TASOR2: variants seen among roughly 807,000 people sequenced by gnomAD.
TASOR2 encodes protein TASOR 2.
In TASOR2, 84 loss-of-function variants were observed where a neutral mutation model predicts 199.5. The observed-to-expected ratio is 0.42, with a 90% CI of 0.35 to 0.50. The LOEUF is 0.50. Among genes scored for constraint, TASOR2 ranks in the 20% least tolerant of loss-of-function variants. The pLI is 0.02. For synonymous variants in TASOR2, 1,103 were observed against 1,046.6 expected (o/e 1.05, Z -1.04); for missense variants, 2,796 against 2,835.9 (o/e 0.99, Z 0.32).
chr10:5,754,176 G>A lies in TASOR2; in HGVS notation c.6607-2437G>A, dbSNP rs766372780. ...AAAAATTAGCCGGGTGTGGCGGCGC[G>A]CGCTTGTGGTACTCGGGAGGCTAAG... On this transcript the variant is annotated intron_variant, in intron 15 of 20. Transcript: ENST00000328090. This position sits in a 1 kb window ranked among gnomAD's most constrained non-coding sequence, Gnocchi z 4.3. Among the ~76,000 whole-genome samples the A allele has an allele frequency of 4.6e-5, 7 of 152,128 alleles. No homozygotes were observed. In the South Asian group the frequency reaches 8.3e-4, roughly 18 times the overall value.
At position 5,740,894 on chromosome 10, in the gene TASOR2, G is replaced by C. The variant is rs1836323028; in HGVS notation, c.2327+397G>C. On this transcript the variant is annotated intron_variant, in intron 13 of 20. Transcript: ENST00000328090. The surrounding 1 kb of genome is among the most constrained non-coding windows in gnomAD (Gnocchi z 5.3). ...AAAAATCACTGTAGCTTGGTAAATT[G>C]GTCAGATTGATAGGAGTAAGCAGTT... Among the ~76,000 whole-genome samples, 1 of 152,174 alleles carries C rather than the reference G, an allele frequency of 6.6e-6. No individual in the cohort carries two copies. The highest frequency in any genetic ancestry group is 2.1e-4 in the South Asian group (1 of 4,828).
In TASOR2 at chr10:5,737,296, T is replaced by C. The variant is rs1026625316; in HGVS notation, c.1447+1750T>C. 1.3e-4 allele frequency among the ~76,000 whole-genome samples: 20 copies of C among 152,188 alleles called. 1 individual carries two copies. Among genetic ancestry groups the C allele is most frequent in the Admixed American group, 8.5e-4 (13 of 15,282 alleles). On this transcript the variant is annotated intron_variant, in intron 12 of 20. Coordinates refer to ENST00000328090, the Ensembl canonical transcript of TASOR2. This position sits in a 1 kb window ranked among gnomAD's most constrained non-coding sequence, Gnocchi z 4.9. ...TGTTTTTTTTAGTTTTTTTGTTTTT[T>C]TTTTCAACTTAAGCATACCCTGAGA...
rs1237089760 is a variant in TASOR2 at position 5,685,492 on chromosome 10, A to G, written c.-288+317A>G. ...CAGCTGCGTCCTCAGGGATATGCTGATAAGTTCTTGGCTGAAGTTTCCGTC... is the reference window on the plus strand; with the variant it reads ...CAGCTGCGTCCTCAGGGATATGCTGGTAAGTTCTTGGCTGAAGTTTCCGTC... On this transcript the variant is annotated intron_variant, in intron 1 of 20. Transcript: ENST00000328090. The surrounding 1 kb of genome is among the most constrained non-coding windows in gnomAD (Gnocchi z 5.4). Among the ~76,000 whole-genome samples, 4 of 152,060 alleles carry G rather than the reference A, an allele frequency of 2.6e-5. No homozygotes were observed. Among genetic ancestry groups the G allele is most frequent in the South Asian group, 4.1e-4 (2 of 4,824 alleles).
At chr10:5,725,834 A>C (rs972783608) in intron 8 of TASOR2, among the ~76,000 whole-genome samples, 1 of 152,132 alleles carries the variant, frequency 6.6e-6, no homozygotes, top group Admixed American at 6.5e-5. Flanking sequence ...AGCTTAGGAG[A>C]CTATGGAGGA....
chr10:5,746,604 T>G, exon 15 of TASOR2: 1 of 1,614,150 alleles, frequency 6.2e-7, no homozygotes. Flanking sequence ...AAAATGCACA[T>G]GTACCAATAC....
intron 20 of TASOR2, 83 bp from the exon 22 acceptor site, chr10:5,762,946 T>C: frequency 7.5e-7 from 1 of 1,333,768 alleles, no homozygotes; most frequent in Non-Finnish European, 1.1e-6. Context: ...ATAGGCGTTT[T>C]CCCCATTAGA....
In TASOR2 at chr10:5,748,069, A is replaced by G; in HGVS notation, c.4648A>G (p.Asn1550Asp). The stretch of plus-strand genomic sequence containing the variant: ...TCCTGAAAAACTGGTAAAATCAGGA[A>G]ATCCATTGCAGCCAGTTAGTATAGA... The change falls in exon 15 of 21, where the codon AAT becomes GAT. Residue 1550 changes from asparagine (N) to aspartate (D), a missense_variant. Asn to Asp is a conservative substitution (Grantham distance 23). Around this residue, in one of 3 missense-constraint regions of TASOR2, gnomAD observed 1,941 missense variants for 1,924.9 expected, o/e 1.01. Coordinates refer to ENST00000328090, the Ensembl canonical transcript of TASOR2. This position sits in a 1 kb window ranked among gnomAD's most constrained non-coding sequence, Gnocchi z 5.1. 1.2e-6 allele frequency: 2 copies of G among 1,614,236 alleles called. No individual in the cohort carries two copies. Among genetic ancestry groups the G allele is most frequent in the Non-Finnish European group, 1.7e-6 (2 of 1,180,044 alleles).
chr10:5,757,873 T>C (rs1021236156), intron 17 of TASOR2, among the ~76,000 whole-genome samples, 200 bp downstream of exon 18: 1 of 152,158 alleles, frequency 6.6e-6, no homozygotes, highest in Non-Finnish European at 1.5e-5. Flanking sequence ...CTCTTTTAAC[T>C]GATTCTTACC....
At position 5,689,324 on chromosome 10, in the gene TASOR2, G is replaced by A. The variant is rs888176943; in HGVS notation, c.-288+4149G>A. On this transcript the variant is annotated intron_variant, in intron 1 of 20. Transcript: ENST00000328090. This position sits in a 1 kb window ranked among gnomAD's most constrained non-coding sequence, Gnocchi z 4.1. ...TGCTGTTAACTTGTATGTATTGGCC[G>A]GGTGCGGTGGCTCACGCCTGTAATC... Among the ~76,000 whole-genome samples, 3 of 152,000 alleles carry A rather than the reference G, an allele frequency of 2.0e-5. No homozygotes were observed. Among genetic ancestry groups the A allele is most frequent in the South Asian group, 2.1e-4 (1 of 4,822 alleles).
chr10:5,748,617 G>C lies in TASOR2; in HGVS notation c.5196G>C (p.Thr1732=). 4.3e-6 allele frequency: 7 copies of C among 1,614,064 alleles called. No homozygotes were observed. The highest frequency in any genetic ancestry group is 5.9e-6 in the Non-Finnish European group (7 of 1,180,030). Reference sequence around the variant, plus strand: ...AAGGTGAACGCAAAGCCATCCACACGCTGCAAGATGTGTCAACATGTGAAA... The same window carrying C: ...AAGGTGAACGCAAAGCCATCCACACCCTGCAAGATGTGTCAACATGTGAAA... The change falls in exon 15 of 21, where the codon ACG becomes ACC. Residue 1732 remains threonine, a synonymous_variant. Coordinates refer to ENST00000328090, the Ensembl canonical transcript of TASOR2. The surrounding 1 kb of genome is among the most constrained non-coding windows in gnomAD (Gnocchi z 5.1).
At position 5,738,587 on chromosome 10, in the gene TASOR2, T is replaced by A. The variant is rs797019412; in HGVS notation, c.1448-1031T>A. 2.6e-5 allele frequency among the ~76,000 whole-genome samples: 4 copies of A among 152,314 alleles called. No homozygotes were observed. The highest frequency in any genetic ancestry group is 9.6e-5 in the African/African-American group (4 of 41,574). On this transcript the variant is annotated intron_variant, in intron 12 of 20. Coordinates refer to ENST00000328090, the Ensembl canonical transcript of TASOR2. This position sits in a 1 kb window ranked among gnomAD's most constrained non-coding sequence, Gnocchi z 4.7. Reference sequence around the variant, plus strand: ...GTTGATCAGTTTAACCCTTTCCCCATGTATGTGCATGCCCTTGTCGTTCTA... The same window carrying A: ...GTTGATCAGTTTAACCCTTTCCCCAAGTATGTGCATGCCCTTGTCGTTCTA...
chr10:5,753,714 G>T (rs778594923), intron 15 of TASOR2, among the ~76,000 whole-genome samples: 9 of 152,120 alleles, frequency 5.9e-5, no homozygotes, highest in Non-Finnish European at 1.0e-4. Flanking sequence ...TATTCCCTCT[G>T]TTGTCTTTGC....
chr10:5,750,056 A>C lies in TASOR2; in HGVS notation c.6606+29A>C. On this transcript the variant is annotated intron_variant, in intron 15 of 20. Coordinates refer to ENST00000328090, the Ensembl canonical transcript of TASOR2. This position sits in a 1 kb window ranked among gnomAD's most constrained non-coding sequence, Gnocchi z 5.4. ...AAGTGCCAGCCACGTCTTACGTATT[A>C]TTTTAATTGCTGATTTTAGTTTTAG... The C allele has an allele frequency of 6.5e-7, 1 of 1,535,928 alleles. No homozygotes were observed. Among genetic ancestry groups the C allele is most frequent in the Non-Finnish European group, 8.7e-7 (1 of 1,145,446 alleles).
At chr10:5,739,593 C>CTTTTT in intron 12 of TASOR2, 25 bp from the exon 14 acceptor site, 1 of 1,422,952 alleles carries the variant, frequency 7.0e-7, no homozygotes, top group Non-Finnish European at 9.6e-7. Flanking sequence ...AAACATCTCT[C>CTTTTT]TTTTTTTTTT....
chr10:5,748,232 C>T lies in TASOR2; in HGVS notation c.4811C>T (p.Ser1604Leu). Residue 1604 changes from serine to leucine, a missense_variant, in exon 15 of 21, where the codon TCA (serine) becomes TTA (leucine). This residue lies in a region of TASOR2 where 1,941 missense variants were observed against 1,924.9 expected (regional missense o/e 1.01). Coordinates refer to ENST00000328090, the Ensembl canonical transcript of TASOR2. The surrounding 1 kb of genome is among the most constrained non-coding windows in gnomAD (Gnocchi z 5.1). ...GCACCAAGTGGTATAGTGAATGTGT[C>T]AGTAAAACAGCAGACTAGCCCTAAA... The T allele has an allele frequency of 1.2e-6, 2 of 1,614,186 alleles. No individual in the cohort carries two copies. Among genetic ancestry groups the T allele is most frequent in the African/African-American group, 2.7e-5 (2 of 75,048 alleles).
At chr10:5,735,380 A>G in exon 12 of TASOR2, 2 of 1,614,184 alleles carry the variant, frequency 1.2e-6, no homozygotes, top group East Asian at 2.2e-5. Context: ...CTATTTCTAA[A>G]GATGTTCCAG....
rs568370617 is a variant in TASOR2, at chr10:5,749,114, G to C, written c.5693G>C (p.Trp1898Ser). 5.9e-5 allele frequency: 95 copies of C among 1,614,008 alleles called. 3 individuals are homozygous for C. The South Asian group carries it at 1.0e-3, about 18-fold the overall frequency. The change falls in exon 15 of 21, where the codon TGG becomes TCG. Residue 1898 changes from tryptophan (W) to serine (S), a missense_variant. Coordinates refer to ENST00000328090, the Ensembl canonical transcript of TASOR2. ...GAGACGAGCCTCCCTCCCGGGCACT[G>C]GACTGCTGCGGTAAAGAAAGAAGAG...
rs1285179117 is a variant in TASOR2, at chr10:5,730,805, C to G, written c.806C>G (p.Ala269Gly). The change falls in exon 11 of 21, where the codon GCT becomes GGT. Residue 269 changes from alanine to glycine, a missense_variant. This residue lies in a region of TASOR2 where 847 missense variants were observed against 887.4 expected (regional missense o/e 0.95). Coordinates refer to ENST00000328090, the Ensembl canonical transcript of TASOR2. This position sits in a 1 kb window ranked among gnomAD's most constrained non-coding sequence, Gnocchi z 4.1. ...AACTCTTATTTTTCAGACCCTAGTG[C>G]TTACATTTTGGAAGTGTCTACTGCT... is the stretch of plus-strand genomic sequence containing the variant. 2.5e-6 allele frequency: 4 copies of G among 1,614,030 alleles called. No individual in the cohort carries two copies. The African/African-American group carries it at 5.3e-5, about 22-fold the overall frequency.
Position 5,748,588 on chromosome 10 carries a change from C to T in TASOR2, c.5167C>T (p.Leu1723=). 6.2e-7 allele frequency: 1 copy of T among 1,613,762 alleles called. No homozygotes were observed. The highest frequency in any genetic ancestry group is 2.2e-5 in the East Asian group (1 of 44,894). ...CCCTCAGTCCAACACCACATCTTCTCTAAAAGGTGAACGCAAAGCCATCCA... is the reference window on the plus strand; with the variant it reads ...CCCTCAGTCCAACACCACATCTTCTTTAAAAGGTGAACGCAAAGCCATCCA... Residue 1723 remains leucine, a synonymous_variant, in exon 15 of 21, where the codon CTA becomes TTA. Transcript: ENST00000328090. This position sits in a 1 kb window ranked among gnomAD's most constrained non-coding sequence, Gnocchi z 5.1.
Sources: allele counts gnomAD v4.1 joint callset (sites outside exome capture counted in the v4.1 genomes callset), GRCh38; gene constraint gnomAD v4.1.1; regional missense constraint gnomAD v4.1.1; non-coding constraint Gnocchi (gnomAD v3.1); transcripts MANE v1.5; gene names NCBI Gene and HGNC (gene_info 2026-07-23, HGNC 2026-07-21).